Variants in LPP observed in about 807,000 individuals in gnomAD.
LPP encodes the protein lipoma-preferred partner.
LPP carries 38 observed loss-of-function variants against 60.4 expected under a neutral mutation model. That is an observed-to-expected ratio of 0.63 (90% CI 0.49 to 0.83). LPP has a LOEUF of 0.83. Ranked by LOEUF, LPP falls within the 40% of genes least tolerant of loss-of-function variation. The pLI, the probability that LPP is intolerant of heterozygous loss-of-function variation, is 0.00. For synonymous variants in LPP, 328 were observed against 290.8 expected (o/e 1.13, Z -1.30); for missense variants, 902 against 783.6 (o/e 1.15, Z -1.80).
In LPP at chr3:188,883,153, T is replaced by C. The variant is rs576736573; in HGVS notation, c.*8674T>C. On this transcript the variant is annotated 3_prime_UTR_variant, in exon 12 of 12. Coordinates refer to ENST00000617246, the MANE Select transcript of LPP (RefSeq NM_001375462.1). ...CTTTGGTGCCACACAAAACCTGTAG[T>C]ACATGATACAGTGTTGCTTCCCCCC... 1 of 219,382 alleles carries C rather than the reference T, an allele frequency of 4.6e-6. No homozygotes were observed. Among genetic ancestry groups the C allele is most frequent in the South Asian group, 1.8e-4 (1 of 5,412 alleles). The allele number at this position is 219,382 out of a possible 1,614,324, so 13.6% of individuals were successfully genotyped here.
rs191296992 is a variant in LPP, at chr3:188,636,798, G to A, written c.1113+26954G>A. Among the ~76,000 whole-genome samples, 759 of 151,816 alleles carry A rather than the reference G, an allele frequency of 5.0e-3. 8 individuals are homozygous for A. Among genetic ancestry groups the A allele is most frequent in the East Asian group, 0.025 (129 of 5,178 alleles). On this transcript the variant is annotated intron_variant, in intron 7 of 11. Transcript: ENST00000617246. ...GGGAGGCACCCCCCTGCAGGGGCAC[G>A]CTGACACCTCACACGGCAGGGTATT...
At chr3:188,583,955 C>A (rs1836840178) in intron 6 of LPP, among the ~76,000 whole-genome samples, 1 of 152,136 alleles carries the variant, frequency 6.6e-6, no homozygotes, top group Non-Finnish European at 1.5e-5. Context: ...TCTCATCTTT[C>A]CTCTTGATGT....
At chr3:188,359,843 C>T (rs1159449465) in intron 3 of LPP, among the ~76,000 whole-genome samples, 1 of 152,138 alleles carries the variant, frequency 6.6e-6, no homozygotes, top group African/African-American at 2.4e-5. Context: ...TCTTGTATTG[C>T]ATGACGATAC....
At chr3:188,501,379 C>T (rs1298060736) in intron 5 of LPP, among the ~76,000 whole-genome samples, 1 of 152,154 alleles carries the variant, frequency 6.6e-6, no homozygotes, top group African/African-American at 2.4e-5. Context: ...CTTTGGGAGG[C>T]CGAGGTGGGA....
At chr3:188,434,030 G>A (rs1396191402) in intron 4 of LPP, among the ~76,000 whole-genome samples, 14 of 152,134 alleles carry the variant, frequency 9.2e-5, no homozygotes, top group Admixed American at 1.3e-4. Flanking sequence ...TTCCAGTTGC[G>A]ATCTGGATTA....
At chr3:188,304,510 C>T (rs1577976670) in intron 2 of LPP, among the ~76,000 whole-genome samples, 1 of 152,280 alleles carries the variant, frequency 6.6e-6, no homozygotes, top group African/African-American at 2.4e-5. Context: ...CTTTCTCTCC[C>T]CTTTAAATCT....
At chr3:188,265,369 C>T (rs745921734) in intron 2 of LPP, among the ~76,000 whole-genome samples, 2 of 152,070 alleles carry the variant, frequency 1.3e-5, no homozygotes, top group Admixed American at 6.6e-5. Context: ...CCCCTGTCTG[C>T]GAAGAAAGAG....
At chr3:188,174,527 G>A (rs1160403571) in intron 1 of LPP, among the ~76,000 whole-genome samples, 1 of 152,206 alleles carries the variant, frequency 6.6e-6, no homozygotes, top group Non-Finnish European at 1.5e-5. Flanking sequence ...TTCTGTCCCT[G>A]GAGCCTGGAG....
At chr3:188,311,679 C>A (rs1163777376) in intron 2 of LPP, among the ~76,000 whole-genome samples, 1 of 151,812 alleles carries the variant, frequency 6.6e-6, no homozygotes, top group Non-Finnish European at 1.5e-5. Context: ...CTTGCTGTCA[C>A]CCAGGCTTGA....
intron 6 of LPP, among the ~76,000 whole-genome samples, chr3:188,587,476 A>G (rs1837728810): frequency 6.6e-6 from 1 of 152,202 alleles, no homozygotes; most frequent in South Asian, 2.1e-4. Flanking sequence ...CTGCAAAACC[A>G]GAGTGCCAGA....
intron 4 of LPP, among the ~76,000 whole-genome samples, chr3:188,479,013 A>G (rs878946954): frequency 3.3e-5 from 5 of 152,114 alleles, no homozygotes; most frequent in African/African-American, 1.2e-4. Flanking sequence ...CGACCTCCCA[A>G]AGTGCTGGGG....
At chr3:188,711,447 T>A (rs936369141) in intron 8 of LPP, 2 of 152,196 alleles carry the variant, frequency 1.3e-5, no homozygotes, top group African/African-American at 4.8e-5. Context: ...TCTGTACATT[T>A]ACACACCACA....
At chr3:188,486,959 CT>C (rs1423988040) in intron 5 of LPP, among the ~76,000 whole-genome samples, 2 of 152,058 alleles carry the variant, frequency 1.3e-5, no homozygotes, top group Admixed American at 6.6e-5. Flanking sequence ...TCTTACTTTG[CT>C]GAAGTTGGTT....
chr3:188,153,768 A>C (rs1015055648), upstream of LPP: 1 of 150,302 alleles, frequency 6.7e-6, no homozygotes, highest in Admixed American at 6.6e-5. Context: ...CATACCTTAC[A>C]TGGACAAATG....
At chr3:188,685,435 G>T (rs547516047) in intron 7 of LPP, among the ~76,000 whole-genome samples, 1 of 152,020 alleles carries the variant, frequency 6.6e-6, no homozygotes, top group Non-Finnish European at 1.5e-5. Context: ...TCTGGAATAG[G>T]GTGTACACGT....
At chr3:188,460,371 C>T (rs1204820738) in intron 4 of LPP, among the ~76,000 whole-genome samples, 3 of 152,156 alleles carry the variant, frequency 2.0e-5, no homozygotes, top group African/African-American at 7.2e-5. Context: ...ATTCTCTGTG[C>T]TTTGGCCTTT....
chr3:188,158,203 G>T (rs1717110165), intron 1 of LPP, among the ~76,000 whole-genome samples: 2 of 152,158 alleles, frequency 1.3e-5, no homozygotes, highest in Non-Finnish European at 2.9e-5. Flanking sequence ...GATCCAAGCT[G>T]AGTATGTTCA....
At chr3:188,356,935 A>G (rs1767765695) in intron 3 of LPP, among the ~76,000 whole-genome samples, 1 of 152,220 alleles carries the variant, frequency 6.6e-6, no homozygotes, top group African/African-American at 2.4e-5. Context: ...GTACGGCCAA[A>G]GCGTTTCAAC....
intron 2 of LPP, among the ~76,000 whole-genome samples, chr3:188,256,482 C>T (rs953792491): frequency 2.6e-5 from 4 of 152,020 alleles, no homozygotes; most frequent in Admixed American, 2.6e-4. Context: ...AACAGAATGA[C>T]CATTAAGAAC....
Sources: allele counts gnomAD v4.1 joint callset (sites outside exome capture counted in the v4.1 genomes callset), GRCh38; gene constraint gnomAD v4.1.1; transcripts MANE v1.5; gene names NCBI Gene and HGNC (gene_info 2026-07-23, HGNC 2026-07-21).